The following DPP6 variants were observed in gnomAD, a reference collection of about 807,000 sequenced individuals.
DPP6 encodes dipeptidyl peptidase like 6, also known as A-type potassium channel modulatory protein DPP6.
In DPP6, 69 loss-of-function variants were observed where a neutral mutation model predicts 122.6. The ratio of observed to expected loss-of-function variants is 0.56; its 90% CI spans 0.46 to 0.69. The LOEUF is 0.69. Among genes scored for constraint, DPP6 ranks in the 30% least tolerant of loss-of-function variants. The pLI is 0.00. For missense variants in DPP6, 928 were observed against 1,116.9 expected, an observed-to-expected ratio of 0.83 and a Z score of 2.41; for synonymous variants, 418 against 433.1, an observed-to-expected ratio of 0.97 and a Z score of 0.43.
chr7:153,961,349 TTA>T (rs1431614913), intron 1 of DPP6, among the ~76,000 whole-genome samples: 1 of 54,002 alleles, frequency 1.9e-5, no homozygotes, highest in East Asian at 0.033. Context: ...TTTTTTTATT[TTA>T]TTTTTTTTTA....
the DPP6 span, among the ~76,000 whole-genome samples, chr7:153,822,725 A>T: frequency 6.6e-6 from 1 of 152,230 alleles, no homozygotes; most frequent in South Asian, 2.1e-4. Flanking sequence ...AAAAAATAAT[A>T]TTATTCAATT....
At chr7:154,056,072 C>T (rs1030069790) in intron 1 of DPP6, 3 of 152,110 alleles carry the variant, frequency 2.0e-5, no homozygotes, top group African/African-American at 4.8e-5. Flanking sequence ...AAATAAAATG[C>T]GGAGATAGAA....
At chr7:154,742,826 AG>A (rs974425505) in intron 8 of DPP6, among the ~76,000 whole-genome samples, 1 of 152,178 alleles carries the variant, frequency 6.6e-6, no homozygotes, top group Non-Finnish European at 1.5e-5. Flanking sequence ...CTTGGTGTTT[AG>A]GAGGCCCTGT....
intron 1 of DPP6, among the ~76,000 whole-genome samples, chr7:154,351,826 AGCTGAGCACCG>A (rs1810882367): frequency 6.6e-6 from 1 of 152,302 alleles, no homozygotes; most frequent in African/African-American, 2.4e-5. Flanking sequence ...TCTTTGCTCC[AGCTGAGCACCG>A]GCTTGTCTCA....
At chr7:154,383,829 G>A (rs1384916288) in intron 1 of DPP6, among the ~76,000 whole-genome samples, 1 of 144,524 alleles carries the variant, frequency 6.9e-6, no homozygotes, top group Non-Finnish European at 1.5e-5. Flanking sequence ...GGCAGAGGTT[G>A]CAGTGAGCCA....
At chr7:154,693,766 G>A (rs1232967923) in intron 7 of DPP6, among the ~76,000 whole-genome samples, 4 of 152,192 alleles carry the variant, frequency 2.6e-5, no homozygotes, top group African/African-American at 9.7e-5. Context: ...CAACCCTGTA[G>A]CTCCAGGCAG....
intron 3 of DPP6, among the ~76,000 whole-genome samples, chr7:154,538,294 T>C (rs947290616): frequency 1.3e-5 from 2 of 152,146 alleles, no homozygotes; most frequent in African/African-American, 4.8e-5. Context: ...GTTTGTAGCA[T>C]AGGTAAATGT....
chr7:154,540,065 G>A (rs562754260), intron 3 of DPP6, among the ~76,000 whole-genome samples: 4 of 151,510 alleles, frequency 2.6e-5, no homozygotes, highest in South Asian at 4.1e-4. Flanking sequence ...TCATGGCAGC[G>A]AAGAGCTAAT....
chr7:154,123,705 TCGC>T (rs1807665209), intron 1 of DPP6, among the ~76,000 whole-genome samples: 3 of 150,132 alleles, frequency 2.0e-5, no homozygotes, highest in Non-Finnish European at 4.4e-5. Flanking sequence ...AATGTGCCGC[TCGC>T]TCACGGGGCT....
chr7:154,571,830 A>T (rs1831129438), intron 5 of DPP6, among the ~76,000 whole-genome samples: 1 of 152,222 alleles, frequency 6.6e-6, no homozygotes, highest in African/African-American at 2.4e-5. Flanking sequence ...TTGCCACTGC[A>T]TAGCAAATTA....
At chr7:154,451,945 C>T (rs1820417390) in intron 2 of DPP6, among the ~76,000 whole-genome samples, 1 of 152,216 alleles carries the variant, frequency 6.6e-6, no homozygotes, top group South Asian at 2.1e-4. Context: ...CGAGGCCTGA[C>T]TGCATCCACT....
intron 1 of DPP6, among the ~76,000 whole-genome samples, chr7:153,931,013 G>A (rs538040166): frequency 5.9e-5 from 9 of 152,226 alleles, no homozygotes; most frequent in Non-Finnish European, 1.0e-4. Flanking sequence ...AAAATATTTT[G>A]AACAGCAGCA....
At chr7:154,666,032 T>A (rs1838128030) in intron 6 of DPP6, among the ~76,000 whole-genome samples, 2 of 152,068 alleles carry the variant, frequency 1.3e-5, no homozygotes, top group South Asian at 2.1e-4. Context: ...TCCACCCTAT[T>A]TCCACCTATA....
At chr7:154,525,144 A>G (rs964656742) in intron 3 of DPP6, among the ~76,000 whole-genome samples, 1 of 152,118 alleles carries the variant, frequency 6.6e-6, no homozygotes, top group African/African-American at 2.4e-5. Flanking sequence ...TTTTAACTGA[A>G]TTTCCTTTTG....
chr7:154,245,960 A>C (rs1801958705), intron 1 of DPP6, among the ~76,000 whole-genome samples: 1 of 152,204 alleles, frequency 6.6e-6, no homozygotes. Flanking sequence ...GATTACTCCA[A>C]TAATTGCAGA....
chr7:153,779,390 A>T, the DPP6 span, among the ~76,000 whole-genome samples: 1 of 151,770 alleles, frequency 6.6e-6, no homozygotes, highest in Admixed American at 6.6e-5. Flanking sequence ...TTCAAGGAGA[A>T]ATAAGAGATT....
chr7:154,221,171 C>T (rs986956271), intron 1 of DPP6, among the ~76,000 whole-genome samples: 7 of 152,222 alleles, frequency 4.6e-5, no homozygotes, highest in African/African-American at 7.2e-5. Context: ...GACAGAGTCT[C>T]GTTCTATCAC....
intron 1 of DPP6, among the ~76,000 whole-genome samples, chr7:153,916,029 C>T (rs112631680): frequency 0.11 from 17,346 of 151,766 alleles, 1,267 homozygotes; most frequent in Middle Eastern, 0.2. Flanking sequence ...TGCAGTGGCG[C>T]GATCTCTGCT....
At chr7:154,858,906 C>G (rs1439790875) in intron 17 of DPP6, among the ~76,000 whole-genome samples, 1 of 152,188 alleles carries the variant, frequency 6.6e-6, no homozygotes, top group Non-Finnish European at 1.5e-5. Flanking sequence ...CAGGCCCCTT[C>G]CTTGTACCAA....
Sources: allele counts gnomAD v4.1 joint callset (sites outside exome capture counted in the v4.1 genomes callset), GRCh38; gene constraint gnomAD v4.1.1; transcripts MANE v1.5; gene names NCBI Gene and HGNC (gene_info 2026-07-23, HGNC 2026-07-21).